DOCK5: variants seen among roughly 807,000 people sequenced by gnomAD.
DOCK5 encodes dedicator of cytokinesis protein 5.
DOCK5 carries 142 observed loss-of-function variants against 251.8 expected under a neutral mutation model. The ratio of observed to expected loss-of-function variants is 0.56; its 90% CI spans 0.49 to 0.65. DOCK5 has a LOEUF of 0.65. Among genes scored for constraint, DOCK5 ranks in the 30% least tolerant of loss-of-function variants. DOCK5 has a pLI of 0.00. For missense variants in DOCK5, 2,111 were observed against 2,312.3 expected (o/e 0.91, Z 1.79); for synonymous variants, 842 against 835.5 (o/e 1.01, Z -0.13).
intron 25 of DOCK5, among the ~76,000 whole-genome samples, chr8:25,343,800 C>T (rs1800307621): frequency 6.6e-6 from 1 of 151,990 alleles, no homozygotes; most frequent in South Asian, 2.1e-4. Flanking sequence ...ATAAAGCAAG[C>T]GTTTTTTTGT....
intron 38 of DOCK5, among the ~76,000 whole-genome samples, chr8:25,379,627 C>T (rs1445478615): frequency 2.6e-5 from 4 of 152,134 alleles, no homozygotes; most frequent in African/African-American, 4.8e-5. Context: ...CGTACATCCT[C>T]AGCTTACAAA....
intron 3 of DOCK5, among the ~76,000 whole-genome samples, chr8:25,275,019 A>G (rs1490113034): frequency 6.6e-6 from 1 of 152,130 alleles, no homozygotes; most frequent in African/African-American, 2.4e-5. Flanking sequence ...CATAGTTTCC[A>G]TGTCACCCCT....
intron 1 of DOCK5, among the ~76,000 whole-genome samples, chr8:25,231,293 C>T (rs1802662934): frequency 6.6e-6 from 1 of 152,088 alleles, no homozygotes; most frequent in Admixed American, 6.6e-5. Context: ...TTTTCCTTTC[C>T]ATGGACATTA....
At chr8:25,191,852 T>TG (rs1801589669) in intron 1 of DOCK5, among the ~76,000 whole-genome samples, 7 of 151,958 alleles carry the variant, frequency 4.6e-5, no homozygotes, top group Admixed American at 4.6e-4. Context: ...ACATGTGCCA[T>TG]TGTGTGCTGC....
intron 22 of DOCK5, among the ~76,000 whole-genome samples, chr8:25,338,134 C>T (rs1466472604): frequency 2.6e-5 from 4 of 151,928 alleles, no homozygotes; most frequent in South Asian, 2.1e-4. Flanking sequence ...CTCTGCTTCC[C>T]GGGCTCAAGC....
chr8:25,395,694 T>TG lies in DOCK5; in HGVS notation c.4685dup (p.Phe1563LeufsTer5), dbSNP rs1801333886. The TG allele has an allele frequency of 1.2e-6, 2 of 1,613,762 alleles. No homozygotes were observed. The highest frequency in any genetic ancestry group is 1.7e-6 in the Non-Finnish European group (2 of 1,179,818). On this transcript the variant is annotated frameshift_variant, in exon 45 of 52. Coordinates refer to ENST00000276440, the MANE Select transcript of DOCK5 (RefSeq NM_024940.8). LOFTEE classifies it high-confidence loss of function. Reference sequence around the variant, plus strand: ...AGTGGCATCGTGGACCCGGCCGTCATGGGGGGCTTCTCCAACTATGAAAAG... The same window carrying TG: ...AGTGGCATCGTGGACCCGGCCGTCATGGGGGGGCTTCTCCAACTATGAAAAG...
chr8:25,259,137 A>G (rs1332282849), intron 2 of DOCK5, among the ~76,000 whole-genome samples: 1 of 152,148 alleles, frequency 6.6e-6, no homozygotes, highest in Non-Finnish European at 1.5e-5. Flanking sequence ...GAATAAATGA[A>G]TGAATGCATG....
At chr8:25,398,815 G>T (rs1200560505) in intron 45 of DOCK5, among the ~76,000 whole-genome samples, 2 of 152,152 alleles carry the variant, frequency 1.3e-5, no homozygotes, top group African/African-American at 4.8e-5. Context: ...ATCTGCAACA[G>T]CCTTGCTTCC....
chr8:25,254,225 C>G (rs1209738238), intron 2 of DOCK5, among the ~76,000 whole-genome samples: 1 of 151,948 alleles, frequency 6.6e-6, no homozygotes, highest in African/African-American at 2.4e-5. Flanking sequence ...TCACCCTTGA[C>G]AAAAAATAAG....
At chr8:25,403,192 A>G (rs1052241375) in intron 47 of DOCK5, among the ~76,000 whole-genome samples, 1 of 152,186 alleles carries the variant, frequency 6.6e-6, no homozygotes, top group East Asian at 1.9e-4. Context: ...CCAATATTCC[A>G]TATTTTAAAA....
intron 34 of DOCK5, among the ~76,000 whole-genome samples, chr8:25,371,539 G>A (rs4265195): frequency 0.46 from 70,317 of 152,056 alleles, 16,498 homozygotes; most frequent in Middle Eastern, 0.54. Context: ...AGCCTTTCTT[G>A]TTTTGTTTTT....
chr8:25,284,667 C>A (rs777465861), intron 5 of DOCK5, among the ~76,000 whole-genome samples: 7 of 152,264 alleles, frequency 4.6e-5, no homozygotes, highest in Non-Finnish European at 1.0e-4. Flanking sequence ...CAGGGCAGAT[C>A]CCCGTGCTAG....
At chr8:25,380,044 G>A (rs11990762) in intron 38 of DOCK5, among the ~76,000 whole-genome samples, 28,918 of 152,118 alleles carry the variant, frequency 0.19, 3,194 homozygotes, top group African/African-American at 0.3. Flanking sequence ...TTTTTTGGGC[G>A]ACACATGGTA....
chr8:25,327,174 A>G (rs1805583465), intron 18 of DOCK5, among the ~76,000 whole-genome samples: 1 of 152,262 alleles, frequency 6.6e-6, no homozygotes, highest in African/African-American at 2.4e-5. Context: ...CGATCTATAT[A>G]GTGAACACTA....
At chr8:25,277,102 A>T (rs1206823970) in intron 4 of DOCK5, 1 of 154,000 alleles carries the variant, frequency 6.5e-6, no homozygotes, top group African/African-American at 2.4e-5. Context: ...CTCATTCCAA[A>T]ATGCATCACA....
chr8:25,397,557 C>T (rs1801367847), intron 45 of DOCK5, among the ~76,000 whole-genome samples: 1 of 152,156 alleles, frequency 6.6e-6, no homozygotes, highest in South Asian at 2.1e-4. Context: ...ATGTTAGGTG[C>T]CATAATAATA....
At chr8:25,296,747 T>C (rs1804625529) in intron 7 of DOCK5, 99 bp downstream of exon 7, 1 of 1,453,304 alleles carries the variant, frequency 6.9e-7, no homozygotes. Context: ...AAACTACTTC[T>C]GTAGTTTTCG....
chr8:25,192,258 T>C (rs1207370852), intron 1 of DOCK5, among the ~76,000 whole-genome samples: 2 of 152,146 alleles, frequency 1.3e-5, no homozygotes, highest in East Asian at 3.9e-4. Context: ...TATAGCAGCA[T>C]GACTTATAAT....
intron 18 of DOCK5, among the ~76,000 whole-genome samples, chr8:25,329,410 T>A (rs1261905176): frequency 6.6e-6 from 1 of 152,194 alleles, no homozygotes; most frequent in Non-Finnish European, 1.5e-5. Flanking sequence ...TCTTAGCAAT[T>A]TTCAAGTATA....
Sources: gnomAD v4.1 joint callset for allele counts (sites outside exome capture counted in the v4.1 genomes callset) on GRCh38, gnomAD v4.1.1 for gene constraint, MANE v1.5 for transcripts, NCBI Gene and HGNC (gene_info 2026-07-23, HGNC 2026-07-21) for gene names.